The following SGCZ variants were observed in gnomAD, a reference collection of about 807,000 sequenced individuals.
SGCZ encodes zeta-sarcoglycan.
SGCZ carries 40 observed loss-of-function variants against 41.3 expected under a neutral mutation model. The ratio of observed to expected loss-of-function variants is 0.97; its 90% CI spans 0.75 to 1.26. SGCZ has a LOEUF of 1.26. Ranked by LOEUF, SGCZ falls within the 50% of genes most tolerant of loss-of-function variation. The probability of loss-of-function intolerance (pLI) is 0.00; values close to 1 mark genes in which losing one functional copy is unlikely to be tolerated. For synonymous variants in SGCZ, 206 were observed against 137.5 expected (o/e 1.50, Z -3.49); for missense variants, 552 against 369.8 (o/e 1.49, Z -4.04).
At chr8:14,311,715 A>T (rs1025894890) in intron 3 of SGCZ, among the ~76,000 whole-genome samples, 1 of 152,182 alleles carries the variant, frequency 6.6e-6, no homozygotes, top group African/African-American at 2.4e-5. Context: ...GGAGAAGTAT[A>T]TTTTCAAAGA....
chr8:14,609,419 T>G (rs4831616), intron 1 of SGCZ, among the ~76,000 whole-genome samples: 6 of 151,950 alleles, frequency 3.9e-5, no homozygotes, highest in Non-Finnish European at 5.9e-5. Context: ...TTTGAGATTC[T>G]TGAAAGGAAG....
At chr8:14,186,572 T>G (rs1262588916) in intron 4 of SGCZ, among the ~76,000 whole-genome samples, 1 of 152,188 alleles carries the variant, frequency 6.6e-6, no homozygotes, top group Non-Finnish European at 1.5e-5. Flanking sequence ...CTATAACAAG[T>G]GCTTAGTTCC....
At chr8:14,757,714 G>T (rs935870903) in intron 1 of SGCZ, among the ~76,000 whole-genome samples, 2 of 152,084 alleles carry the variant, frequency 1.3e-5, no homozygotes, top group Non-Finnish European at 2.9e-5. Flanking sequence ...CTTCCAAATC[G>T]AATCAGAACC....
At chr8:14,218,714 G>A (rs746407840) in intron 4 of SGCZ, among the ~76,000 whole-genome samples, 14 of 152,028 alleles carry the variant, frequency 9.2e-5, no homozygotes, top group African/African-American at 2.2e-4. Flanking sequence ...AGCAAACTCC[G>A]GCCATTTTCT....
intron 1 of SGCZ, among the ~76,000 whole-genome samples, chr8:14,810,809 G>C (rs1801716199): frequency 6.6e-6 from 1 of 151,922 alleles, no homozygotes; most frequent in Non-Finnish European, 1.5e-5. Context: ...TTGTTTATTT[G>C]AAGAGACTCT....
chr8:14,891,702 C>T (rs534990278), intron 1 of SGCZ, among the ~76,000 whole-genome samples: 20 of 152,254 alleles, frequency 1.3e-4, no homozygotes, highest in African/African-American at 2.2e-4. Flanking sequence ...TGCTATCAAA[C>T]GGAGAGCATG....
intron 2 of SGCZ, among the ~76,000 whole-genome samples, chr8:14,337,177 G>C (rs940667600): frequency 6.6e-6 from 1 of 152,108 alleles, no homozygotes; most frequent in African/African-American, 2.4e-5. Context: ...ATTGATGGAA[G>C]ACATGCAGAA....
chr8:14,691,802 C>A (rs893430219), intron 1 of SGCZ, among the ~76,000 whole-genome samples: 1 of 151,362 alleles, frequency 6.6e-6, no homozygotes, highest in African/African-American at 2.4e-5. Context: ...TTTTTTTTGC[C>A]GTAATAAAAA....
intron 1 of SGCZ, among the ~76,000 whole-genome samples, chr8:14,589,921 T>C (rs546669090): frequency 3.3e-5 from 5 of 152,300 alleles, no homozygotes; most frequent in African/African-American, 9.6e-5. Flanking sequence ...CAGGTTTCTT[T>C]ATTGACTCCT....
intron 2 of SGCZ, among the ~76,000 whole-genome samples, chr8:14,460,431 C>T (rs1342350434): frequency 6.6e-6 from 1 of 152,164 alleles, no homozygotes; most frequent in Middle Eastern, 3.4e-3. Context: ...TGTATATTAA[C>T]TGGAGAGCAG....
intron 2 of SGCZ, among the ~76,000 whole-genome samples, chr8:14,436,768 C>T (rs187333278): frequency 6.6e-6 from 1 of 152,308 alleles, no homozygotes; most frequent in African/African-American, 2.4e-5. Flanking sequence ...ATTTGCAAAG[C>T]ATTTCTGCTT....
At chr8:14,237,817 A>G in intron 3 of SGCZ, 138 bp from the exon 4 acceptor site, 1 of 651,530 alleles carries the variant, frequency 1.5e-6, no homozygotes, top group Non-Finnish European at 2.5e-6. Flanking sequence ...TAACGTCCCA[A>G]TCATTGGTGG....
rs147355046 is a variant in SGCZ, at chr8:14,836,793, C to T, written c.40-281867G>A. The stretch of plus-strand genomic sequence containing the variant: ...CTCAGATTACAGGCATGAGCCACAT[C>T]CTGGGCCCATAATTATTTTTCTCTT... On this transcript the variant is annotated intron_variant, in intron 1 of 7. Coordinates refer to ENST00000382080, the MANE Select transcript of SGCZ (RefSeq NM_139167.4). Among the ~76,000 whole-genome samples, 25 of 152,274 alleles carry T rather than the reference C, an allele frequency of 1.6e-4. No homozygotes were observed. In the Middle Eastern group the frequency reaches 0.017, roughly 104 times the overall value.
intron 1 of SGCZ, among the ~76,000 whole-genome samples, chr8:14,905,624 T>C (rs1799099186): frequency 6.6e-6 from 1 of 151,968 alleles, no homozygotes; most frequent in South Asian, 2.1e-4. Context: ...TATTCTATGA[T>C]TAAATTAATT....
At chr8:14,497,964 A>G (rs1802041023) in intron 2 of SGCZ, among the ~76,000 whole-genome samples, 1 of 152,146 alleles carries the variant, frequency 6.6e-6, no homozygotes, top group Admixed American at 6.6e-5. Flanking sequence ...GTTTTTCCTC[A>G]TATCCTCATC....
At chr8:14,763,965 G>A (rs150338667) in intron 1 of SGCZ, among the ~76,000 whole-genome samples, 3 of 152,076 alleles carry the variant, frequency 2.0e-5, no homozygotes, top group Non-Finnish European at 4.4e-5. Context: ...AGTAGTTATG[G>A]GTACACCTGG....
At chr8:14,580,351 C>T (rs919272380) in intron 1 of SGCZ, among the ~76,000 whole-genome samples, 2 of 152,066 alleles carry the variant, frequency 1.3e-5, no homozygotes, top group South Asian at 2.1e-4. Context: ...TTTCAAGAAA[C>T]CATTTTTGAA....
At chr8:14,419,217 T>C (rs17119275) in intron 2 of SGCZ, among the ~76,000 whole-genome samples, 86,413 of 151,748 alleles carry the variant, frequency 0.57, 25,472 homozygotes, top group South Asian at 0.75. Context: ...AAACTGAAAG[T>C]TAGGCAAGTT....
At chr8:14,232,908 T>C (rs1285246600) in intron 4 of SGCZ, among the ~76,000 whole-genome samples, 1 of 152,086 alleles carries the variant, frequency 6.6e-6, no homozygotes. Flanking sequence ...TTCAGAAGAA[T>C]GACATTCAGT....
Sources: allele counts gnomAD v4.1 joint callset (sites outside exome capture counted in the v4.1 genomes callset), GRCh38; gene constraint gnomAD v4.1.1; transcripts MANE v1.5; gene names NCBI Gene and HGNC (gene_info 2026-07-23, HGNC 2026-07-21).